Variants in ENTREP2 observed in about 807,000 individuals in gnomAD.
The protein encoded by ENTREP2 is protein ENTREP2.
the ENTREP2 span, among the ~76,000 whole-genome samples, chr15:29,671,384 G>A: frequency 2.0e-5 from 3 of 152,192 alleles, no homozygotes; most frequent in African/African-American, 7.2e-5. Context: ...TAGCCAAGTC[G>A]GACAGAAGTG....
At chr15:29,491,404 G>A in the ENTREP2 span, among the ~76,000 whole-genome samples, 32 of 152,324 alleles carry the variant, frequency 2.1e-4, no homozygotes, top group South Asian at 6.2e-4. Context: ...GTGAGCGAGC[G>A]AGCACTGCTA....
chr15:29,129,357 C>T, the ENTREP2 span, among the ~76,000 whole-genome samples: 1 of 152,208 alleles, frequency 6.6e-6, no homozygotes, highest in Non-Finnish European at 1.5e-5. Context: ...TGAGCCACCG[C>T]CCCTGGCCGA....
the ENTREP2 span, among the ~76,000 whole-genome samples, chr15:29,434,572 T>C: frequency 6.6e-6 from 1 of 152,106 alleles, no homozygotes; most frequent in Admixed American, 6.5e-5. Context: ...CACAGACACA[T>C]CCACATGGTG....
chr15:29,295,847 G>T, the ENTREP2 span, among the ~76,000 whole-genome samples: 1 of 152,182 alleles, frequency 6.6e-6, no homozygotes, highest in East Asian at 1.9e-4. Flanking sequence ...TTTAAAACTT[G>T]TGAGTTGTCT....
At chr15:29,403,889 C>G in the ENTREP2 span, among the ~76,000 whole-genome samples, 4 of 152,206 alleles carry the variant, frequency 2.6e-5, no homozygotes, top group Admixed American at 2.6e-4. Flanking sequence ...ACTCTCAGCC[C>G]TCTGCCCCAG....
the ENTREP2 span, among the ~76,000 whole-genome samples, chr15:29,124,086 G>GCCC: frequency 1.3e-5 from 2 of 151,600 alleles, no homozygotes; most frequent in African/African-American, 4.9e-5. Flanking sequence ...ACATGAGACC[G>GCCC]CCCCCCCCAT....
At chr15:29,255,064 G>C in the ENTREP2 span, among the ~76,000 whole-genome samples, 26 of 152,168 alleles carry the variant, frequency 1.7e-4, no homozygotes, top group African/African-American at 6.0e-4. Flanking sequence ...CACAACTCCA[G>C]TAGACCTTGA....
At chr15:29,672,978 T>C in the ENTREP2 span, among the ~76,000 whole-genome samples, 1 of 152,060 alleles carries the variant, frequency 6.6e-6, no homozygotes, top group African/African-American at 2.4e-5. Context: ...GATTATATGC[T>C]AAACAAGCGG....
At chr15:29,553,160 G>T in the ENTREP2 span, among the ~76,000 whole-genome samples, 1 of 152,178 alleles carries the variant, frequency 6.6e-6, no homozygotes, top group African/African-American at 2.4e-5. Context: ...GCCACTTATG[G>T]TGGCACATGC....
the ENTREP2 span, among the ~76,000 whole-genome samples, chr15:29,370,883 G>A: frequency 6.6e-6 from 1 of 152,026 alleles, no homozygotes; most frequent in African/African-American, 2.4e-5. Context: ...TCATGGAAGA[G>A]TGTCTGGAAC....
chr15:29,428,733 A>G, the ENTREP2 span, among the ~76,000 whole-genome samples: 5 of 152,208 alleles, frequency 3.3e-5, no homozygotes, highest in Non-Finnish European at 4.4e-5. Flanking sequence ...CTGTGCTGCC[A>G]TTCACCAGCA....
the ENTREP2 span, among the ~76,000 whole-genome samples, chr15:29,127,503 G>A: frequency 1.2e-4 from 19 of 152,240 alleles, no homozygotes; most frequent in African/African-American, 3.4e-4. Context: ...CTTCCTGTCC[G>A]TCTGTGAGGC....
the ENTREP2 span, among the ~76,000 whole-genome samples, chr15:29,120,085 C>A: frequency 6.6e-6 from 1 of 152,222 alleles, no homozygotes; most frequent in African/African-American, 2.4e-5. Flanking sequence ...CACTCTGCCC[C>A]GGAGTTGACC....
At chr15:29,239,812 G>A in the ENTREP2 span, among the ~76,000 whole-genome samples, 20 of 152,238 alleles carry the variant, frequency 1.3e-4, 1 homozygote, top group Admixed American at 6.5e-4. Context: ...CTCACACTTC[G>A]TACAAAACTA....
chr15:29,170,017 C>G, the ENTREP2 span, among the ~76,000 whole-genome samples: 2 of 152,028 alleles, frequency 1.3e-5, no homozygotes, highest in South Asian at 4.1e-4. Flanking sequence ...CATATAAAAT[C>G]AATATGCAGG....
the ENTREP2 span, among the ~76,000 whole-genome samples, chr15:29,431,833 T>C: frequency 5.9e-5 from 9 of 152,228 alleles, no homozygotes; most frequent in Non-Finnish European, 8.8e-5. Flanking sequence ...TCAATCCATT[T>C]GCCTCTCACT....
At chr15:29,636,560 A>G in the ENTREP2 span, among the ~76,000 whole-genome samples, 5 of 152,194 alleles carry the variant, frequency 3.3e-5, no homozygotes, top group African/African-American at 1.2e-4. Context: ...ACACAGCAAT[A>G]TTATGCCAGT....
At chr15:29,577,237 G>A in the ENTREP2 span, among the ~76,000 whole-genome samples, 1 of 151,738 alleles carries the variant, frequency 6.6e-6, no homozygotes, top group Non-Finnish European at 1.5e-5. Flanking sequence ...AAATGGCATG[G>A]TGACCCCTCA....
At chr15:29,297,039 C>T in the ENTREP2 span, among the ~76,000 whole-genome samples, 1 of 144,328 alleles carries the variant, frequency 6.9e-6, no homozygotes, top group African/African-American at 2.9e-5. Flanking sequence ...TGGAAACCTA[C>T]CATAAAAAAT....
Sources: allele counts gnomAD v4.1 joint callset (sites outside exome capture counted in the v4.1 genomes callset), GRCh38; gene constraint gnomAD v4.1.1; transcripts MANE v1.5; gene names NCBI Gene and HGNC (gene_info 2026-07-23, HGNC 2026-07-21).